Variants in H2BC7 observed in about 807,000 individuals in gnomAD.
The protein encoded by H2BC7 is histone H2B type 1-C/E/F/G/I.
H2BC7 carries 15 observed loss-of-function variants against 6.0 expected under a neutral mutation model. The ratio of observed to expected loss-of-function variants is 2.48; its 90% CI spans 1.66 to 3.82. H2BC7 has a LOEUF of 3.82. H2BC7 is among the 30% of genes most tolerant of loss of function. The pLI is 0.00. For missense variants in H2BC7, 227 were observed against 169.4 expected, an observed-to-expected ratio of 1.34 and a Z score of -1.89; for synonymous variants, 148 against 70.7, an observed-to-expected ratio of 2.09 and a Z score of -5.49.
rs752265813 is a variant in H2BC7, at chr6:26,199,732, G to C, written c.174G>C (p.Lys58Asn). ...QVHPDTGISSKAMGIMNSFVN... is the reference protein window; with the variant it reads ...QVHPDTGISSNAMGIMNSFVN... ...ACCCCGACACCGGCATCTCATCCAA[G>C]GCCATGGGCATCATGAACTCCTTCG... The change falls in exon 1 of 1, where the codon AAG becomes AAC. Residue 58 changes from lysine (K) to asparagine (N), a missense_variant. Coordinates refer to ENST00000356530, the MANE Select transcript of H2BC7 (RefSeq NM_003522.4). 2 of 1,614,248 alleles carry C rather than the reference G, an allele frequency of 1.2e-6. No individual in the cohort carries two copies. The highest frequency in any genetic ancestry group is 1.7e-5 in the Admixed American group (1 of 60,034).
chr6:26,199,964 C>A lies in H2BC7; in HGVS notation c.*25C>A, dbSNP rs1765096821. ...ATTCTAACGTCTTCATACCCAATCC[C>A]AAAGGCTCTTTTAAGAGCCACCCAC... is the stretch of plus-strand genomic sequence containing the variant. On this transcript the variant is annotated 3_prime_UTR_variant, in exon 1 of 1. Transcript: ENST00000356530. 1.9e-6 allele frequency: 3 copies of A among 1,610,276 alleles called. No homozygotes were observed. The African/African-American group carries it at 4.0e-5, about 22-fold the overall frequency.
rs200762201 is a variant in H2BC7 at position 26,199,641 on chromosome 6, A to G, written c.83A>G (p.Lys28Arg). 31 of 1,614,150 alleles carry G rather than the reference A, an allele frequency of 1.9e-5. No homozygotes were observed. Among genetic ancestry groups the G allele is most frequent in the Non-Finnish European group, 2.5e-5 (30 of 1,180,058 alleles). Reference protein sequence around the residue: ...AVTKAQKKDGKKRKRSRKESY... With the variant: ...AVTKAQKKDGRKRKRSRKESY... ...ACCAAGGCGCAGAAGAAGGATGGTAAGAAGCGCAAGCGTAGCCGCAAGGAG... is the reference window on the plus strand; with the variant it reads ...ACCAAGGCGCAGAAGAAGGATGGTAGGAAGCGCAAGCGTAGCCGCAAGGAG... Residue 28 changes from lysine (K) to arginine (R), a missense_variant, in exon 1 of 1, where the codon AAG (lysine) becomes AGG (arginine). Transcript: ENST00000356530.
chr6:26,199,646 C>A lies in H2BC7; in HGVS notation c.88C>A (p.Arg30Ser). The part of the protein sequence containing the change: ...TKAQKKDGKK[R>S]KRSRKESYSV... Reference sequence around the variant, plus strand: ...GGCGCAGAAGAAGGATGGTAAGAAGCGCAAGCGTAGCCGCAAGGAGAGCTA... The same window carrying A: ...GGCGCAGAAGAAGGATGGTAAGAAGAGCAAGCGTAGCCGCAAGGAGAGCTA... Residue 30 changes from arginine to serine, a missense_variant, in exon 1 of 1, where the codon CGC becomes AGC. By Grantham distance (110) the Arg-to-Ser change is moderately radical. Coordinates refer to ENST00000356530, the MANE Select transcript of H2BC7 (RefSeq NM_003522.4). 1 of 1,614,216 alleles carries A rather than the reference C, an allele frequency of 6.2e-7. No individual in the cohort carries two copies. The highest frequency in any genetic ancestry group is 8.5e-7 in the Non-Finnish European group (1 of 1,180,044).
Position 26,199,546 on chromosome 6 carries a change from G to T in H2BC7, c.-13G>T. ...CATTTCTCTTTAGGTTGTGGACGAA[G>T]TGTTTATTTATCATGCCTGAACCTG... On this transcript the variant is annotated 5_prime_UTR_variant, in exon 1 of 1. Transcript: ENST00000356530. 6.2e-7 allele frequency: 1 copy of T among 1,609,796 alleles called. No individual in the cohort carries two copies. Among genetic ancestry groups the T allele is most frequent in the Non-Finnish European group, 8.5e-7 (1 of 1,178,820 alleles).
In H2BC7 at chr6:26,199,786, C is replaced by G. The variant is rs1489040872; in HGVS notation, c.228C>G (p.Gly76=). 1 of 1,614,126 alleles carries G rather than the reference C, an allele frequency of 6.2e-7. No homozygotes were observed. ...FVNDIFERIA[G]EASRLAHYNK... is the part of the protein sequence containing the mutation. ...ACGATATCTTCGAGCGCATCGCTGGCGAGGCTTCCCGCCTGGCGCATTACA... is the reference window on the plus strand; with the variant it reads ...ACGATATCTTCGAGCGCATCGCTGGGGAGGCTTCCCGCCTGGCGCATTACA... The change falls in exon 1 of 1, where the codon GGC becomes GGG. Residue 76 remains glycine, a synonymous_variant. Transcript: ENST00000356530.
chr6:26,199,855 A>G lies in H2BC7; in HGVS notation c.297A>G (p.Val99=), dbSNP rs1059486. The G allele has an allele frequency of 0.51, 822,938 of 1,614,032 alleles. 218,798 individuals are homozygous for G. The highest frequency in any genetic ancestry group is 0.94 in the East Asian group (42,175 of 44,876). ...CCTCCAGGGAGATCCAGACGGCCGTACGCCTGCTGCTGCCCGGGGAGCTGG... is the reference window on the plus strand; with the variant it reads ...CCTCCAGGGAGATCCAGACGGCCGTGCGCCTGCTGCTGCCCGGGGAGCTGG... ...TITSREIQTA[V]RLLLPGELAK... is the part of the protein sequence containing the mutation. The change falls in exon 1 of 1, where the codon GTA becomes GTG. Residue 99 remains valine, a synonymous_variant. Transcript: ENST00000356530.
Position 26,199,524 on chromosome 6 carries a change from T to A in H2BC7, c.-35T>A. On this transcript the variant is annotated 5_prime_UTR_variant, in exon 1 of 1. Coordinates refer to ENST00000356530, the MANE Select transcript of H2BC7 (RefSeq NM_003522.4). ...AGCTGCAGAGTGAGGACACTTGCAT[T>A]TCTCTTTAGGTTGTGGACGAAGTGT... is the stretch of plus-strand genomic sequence containing the variant. 5 of 1,597,890 alleles carry A rather than the reference T, an allele frequency of 3.1e-6. No individual in the cohort carries two copies. The highest frequency in any genetic ancestry group is 4.3e-6 in the Non-Finnish European group (5 of 1,174,202).
chr6:26,199,546 GTGTT>G lies in H2BC7; in HGVS notation c.-11_-8del, dbSNP rs1223897444. On this transcript the variant is annotated 5_prime_UTR_variant, in exon 1 of 1. Transcript: ENST00000356530. ...CATTTCTCTTTAGGTTGTGGACGAA[GTGTT>G]TATTTATCATGCCTGAACCTGCTAA... is the stretch of plus-strand genomic sequence containing the variant. 2.5e-6 allele frequency: 4 copies of G among 1,609,678 alleles called. No individual in the cohort carries two copies. In the African/African-American group the frequency reaches 4.0e-5, roughly 16 times the overall value.
At position 26,199,675 on chromosome 6, in the gene H2BC7, C is replaced by A; in HGVS notation, c.117C>A (p.Ser39=). Reference sequence around the variant, plus strand: ...AGCGTAGCCGCAAGGAGAGCTATTCCGTGTACGTGTACAAGGTGCTAAAGC... The same window carrying A: ...AGCGTAGCCGCAAGGAGAGCTATTCAGTGTACGTGTACAAGGTGCTAAAGC... ...KRKRSRKESY[S]VYVYKVLKQV... The change falls in exon 1 of 1, where the codon TCC becomes TCA. Residue 39 remains serine, a synonymous_variant. Transcript: ENST00000356530. 2 of 1,614,224 alleles carry A rather than the reference C, an allele frequency of 1.2e-6. No homozygotes were observed. Among genetic ancestry groups the A allele is most frequent in the African/African-American group, 2.7e-5 (2 of 75,056 alleles).
At position 26,199,840 on chromosome 6, in the gene H2BC7, G is replaced by A. The variant is rs1036087644; in HGVS notation, c.282G>A (p.Glu94=). Residue 94 remains glutamate, a synonymous_variant, in exon 1 of 1, where the codon GAG becomes GAA. Transcript: ENST00000356530. ...AGCGCTCCACCATCACCTCCAGGGA[G>A]ATCCAGACGGCCGTACGCCTGCTGC... The part of the protein sequence containing the change: ...YNKRSTITSR[E]IQTAVRLLLP... 6.2e-7 allele frequency: 1 copy of A among 1,614,254 alleles called. No homozygotes were observed. Among genetic ancestry groups the A allele is most frequent in the Admixed American group, 1.7e-5 (1 of 60,032 alleles).
rs1317720040 is a variant in H2BC7 at position 26,199,565 on chromosome 6, G to C, written c.7G>C (p.Glu3Gln). 6.2e-7 allele frequency: 1 copy of C among 1,613,796 alleles called. No homozygotes were observed. MP[E>Q]PAKSAPAPKK... Reference sequence around the variant, plus strand: ...GACGAAGTGTTTATTTATCATGCCTGAACCTGCTAAGTCCGCTCCTGCTCC... The same window carrying C: ...GACGAAGTGTTTATTTATCATGCCTCAACCTGCTAAGTCCGCTCCTGCTCC... Residue 3 changes from glutamate (E) to glutamine (Q), a missense_variant, in exon 1 of 1, where the codon GAA becomes CAA. Physicochemically the swap from Glu to Gln is conservative, Grantham distance 29. Transcript: ENST00000356530.
Position 26,199,616 on chromosome 6 carries a change from A to C in H2BC7, c.58A>C (p.Thr20Pro), listed in dbSNP as rs1166489065. The C allele has an allele frequency of 1.2e-6, 2 of 1,614,232 alleles. No homozygotes were observed. Among genetic ancestry groups the C allele is most frequent in the Non-Finnish European group, 1.7e-6 (2 of 1,180,046 alleles). ...AAAAAAGGGCTCCAAAAAGGCGGTGACCAAGGCGCAGAAGAAGGATGGTAA... is the reference window on the plus strand; with the variant it reads ...AAAAAAGGGCTCCAAAAAGGCGGTGCCCAAGGCGCAGAAGAAGGATGGTAA... Reference protein sequence around the residue: ...APKKGSKKAVTKAQKKDGKKR... With the variant: ...APKKGSKKAVPKAQKKDGKKR... The change falls in exon 1 of 1, where the codon ACC (threonine) becomes CCC (proline). Residue 20 changes from threonine (T) to proline (P), a missense_variant. Thr to Pro is a conservative substitution (Grantham distance 38). Transcript: ENST00000356530.
chr6:26,199,581 C>T lies in H2BC7; in HGVS notation c.23C>T (p.Ala8Val), dbSNP rs1581451780. The change falls in exon 1 of 1, where the codon GCT (alanine) becomes GTT (valine). Residue 8 changes from alanine (A) to valine (V), a missense_variant. Physicochemically the swap from Ala to Val is moderately conservative, Grantham distance 64. Transcript: ENST00000356530. ...ATCATGCCTGAACCTGCTAAGTCCG[C>T]TCCTGCTCCAAAAAAGGGCTCCAAA... MPEPAKS[A>V]PAPKKGSKKA... 2 of 1,614,178 alleles carry T rather than the reference C, an allele frequency of 1.2e-6. No homozygotes were observed. Among genetic ancestry groups the T allele is most frequent in the Non-Finnish European group, 1.7e-6 (2 of 1,180,044 alleles).
chr6:26,199,552 A>G lies in H2BC7; in HGVS notation c.-7A>G, dbSNP rs775469531. 7 of 1,610,982 alleles carry G rather than the reference A, an allele frequency of 4.3e-6. No homozygotes were observed. Among genetic ancestry groups the G allele is most frequent in the Admixed American group, 1.7e-5 (1 of 58,742 alleles). On this transcript the variant is annotated 5_prime_UTR_variant, in exon 1 of 1. Transcript: ENST00000356530. The stretch of plus-strand genomic sequence containing the variant: ...TCTTTAGGTTGTGGACGAAGTGTTT[A>G]TTTATCATGCCTGAACCTGCTAAGT...
chr6:26,199,547 T>A lies in H2BC7; in HGVS notation c.-12T>A, dbSNP rs200760860. The A allele has an allele frequency of 1.2e-6, 2 of 1,609,484 alleles. No homozygotes were observed. Among genetic ancestry groups the A allele is most frequent in the Non-Finnish European group, 1.7e-6 (2 of 1,178,688 alleles). On this transcript the variant is annotated 5_prime_UTR_variant, in exon 1 of 1. Transcript: ENST00000356530. The stretch of plus-strand genomic sequence containing the variant: ...ATTTCTCTTTAGGTTGTGGACGAAG[T>A]GTTTATTTATCATGCCTGAACCTGC...
In H2BC7 at chr6:26,199,569, C is replaced by G; in HGVS notation, c.11C>G (p.Pro4Arg). ...AAGTGTTTATTTATCATGCCTGAAC[C>G]TGCTAAGTCCGCTCCTGCTCCAAAA... MPE[P>R]AKSAPAPKKG... Residue 4 changes from proline to arginine, a missense_variant, in exon 1 of 1, where the codon CCT becomes CGT. Transcript: ENST00000356530. 6.2e-7 allele frequency: 1 copy of G among 1,613,884 alleles called. No individual in the cohort carries two copies. The highest frequency in any genetic ancestry group is 8.5e-7 in the Non-Finnish European group (1 of 1,179,958).
chr6:26,199,573 T>A lies in H2BC7; in HGVS notation c.15T>A (p.Ala5=). 6 of 1,614,042 alleles carry A rather than the reference T, an allele frequency of 3.7e-6. No individual in the cohort carries two copies. Among genetic ancestry groups the A allele is most frequent in the Non-Finnish European group, 5.1e-6 (6 of 1,180,006 alleles). Reference sequence around the variant, plus strand: ...GTTTATTTATCATGCCTGAACCTGCTAAGTCCGCTCCTGCTCCAAAAAAGG... The same window carrying A: ...GTTTATTTATCATGCCTGAACCTGCAAAGTCCGCTCCTGCTCCAAAAAAGG... MPEP[A]KSAPAPKKGS... The change falls in exon 1 of 1, where the codon GCT becomes GCA. Residue 5 remains alanine (A), a synonymous_variant. Coordinates refer to ENST00000356530, the MANE Select transcript of H2BC7 (RefSeq NM_003522.4).
Position 26,199,949 on chromosome 6 carries a change from C to G in H2BC7, c.*10C>G, listed in dbSNP as rs757812921. The G allele has an allele frequency of 1.9e-6, 3 of 1,613,496 alleles. No individual in the cohort carries two copies. The highest frequency in any genetic ancestry group is 2.5e-6 in the Non-Finnish European group (3 of 1,179,808). On this transcript the variant is annotated 3_prime_UTR_variant, in exon 1 of 1. Transcript: ENST00000356530. ...CACCAGCTCTAAGTAATTCTAACGT[C>G]TTCATACCCAATCCCAAAGGCTCTT...
rs753388936 is a variant in H2BC7, at chr6:26,199,711, C to T, written c.153C>T (p.Pro51=). The T allele has an allele frequency of 3.1e-6, 5 of 1,614,124 alleles. No homozygotes were observed. The highest frequency in any genetic ancestry group is 2.2e-5 in the South Asian group (2 of 91,094). ...YVYKVLKQVH[P]DTGISSKAMG... ...ACAAGGTGCTAAAGCAGGTCCACCC[C>T]GACACCGGCATCTCATCCAAGGCCA... Residue 51 remains proline, a synonymous_variant, in exon 1 of 1, where the codon CCC becomes CCT. Coordinates refer to ENST00000356530, the MANE Select transcript of H2BC7 (RefSeq NM_003522.4).
Sources: gnomAD v4.1 joint callset for allele counts on GRCh38, gnomAD v4.1.1 for gene constraint, MANE v1.5 for transcripts, NCBI Gene and HGNC (gene_info 2026-07-23, HGNC 2026-07-21) for gene names.